Variants in ENOX1 observed in about 807,000 individuals in gnomAD.
ENOX1 encodes candidate growth-related and time keeping constitutive hydroquinone (NADH) oxidase.
ENOX1 carries 42 observed loss-of-function variants against 82.5 expected under a neutral mutation model. That is an observed-to-expected ratio of 0.51 (90% CI 0.40 to 0.66). The LOEUF is 0.66. Among genes scored for constraint, ENOX1 ranks in the 30% least tolerant of loss-of-function variants. The probability of loss-of-function intolerance (pLI) is 0.00; values close to 1 mark genes in which losing one functional copy is unlikely to be tolerated. For synonymous variants in ENOX1, 271 were observed against 282.2 expected (o/e 0.96, Z 0.40); for missense variants, 608 against 811.6 (o/e 0.75, Z 3.05).
chr13:43,686,571 C>A (rs2086087948), intron 1 of ENOX1, among the ~76,000 whole-genome samples: 1 of 152,238 alleles, frequency 6.6e-6, no homozygotes, highest in Admixed American at 6.5e-5. Context: ...CCACAAAGAC[C>A]AGGGTTTGTT....
chr13:43,741,814 TAATCC>T (rs1201037547), intron 1 of ENOX1, among the ~76,000 whole-genome samples: 2 of 152,248 alleles, frequency 1.3e-5, no homozygotes, highest in Non-Finnish European at 2.9e-5. Flanking sequence ...AACTGTTGCC[TAATCC>T]AAGATCATGA....
intron 2 of ENOX1, among the ~76,000 whole-genome samples, chr13:43,580,463 C>G (rs1198478334): frequency 6.6e-6 from 1 of 152,198 alleles, no homozygotes; most frequent in Non-Finnish European, 1.5e-5. Context: ...ACCAGAATAG[C>G]TGCACTAAGA....
chr13:43,469,482 C>G (rs994824612), intron 3 of ENOX1, among the ~76,000 whole-genome samples: 1 of 151,608 alleles, frequency 6.6e-6, no homozygotes, highest in Non-Finnish European at 1.5e-5. Context: ...GTAGTTTCAT[C>G]TATTAACAGG....
intron 2 of ENOX1, among the ~76,000 whole-genome samples, chr13:43,557,281 TG>T (rs1364836690): frequency 7.2e-5 from 11 of 152,170 alleles, no homozygotes; most frequent in Admixed American, 6.5e-4. Flanking sequence ...ATTTCATGTA[TG>T]GCCAGAAGGT....
intron 16 of ENOX1, among the ~76,000 whole-genome samples, chr13:43,223,447 C>A (rs973502140): frequency 6.6e-6 from 1 of 152,090 alleles, no homozygotes; most frequent in Non-Finnish European, 1.5e-5. Flanking sequence ...ACAAATACTG[C>A]GGTGGGGTAG....
At chr13:43,593,279 G>A (rs2081320351) in intron 2 of ENOX1, among the ~76,000 whole-genome samples, 1 of 152,054 alleles carries the variant, frequency 6.6e-6, no homozygotes, top group Admixed American at 6.5e-5. Context: ...CTTTCAGGGA[G>A]AAGGAACCAA....
At chr13:43,404,469 G>GCTAA (rs2153592891) in intron 5 of ENOX1, among the ~76,000 whole-genome samples, 1 of 152,026 alleles carries the variant, frequency 6.6e-6, no homozygotes, top group East Asian at 1.9e-4. Context: ...CTTCCTTCCT[G>GCTAA]CTAACTAGAT....
chr13:43,372,941 G>C (rs1399016288), intron 5 of ENOX1, among the ~76,000 whole-genome samples: 2 of 146,032 alleles, frequency 1.4e-5, no homozygotes, highest in Non-Finnish European at 3.0e-5. Flanking sequence ...TTCTTCATCT[G>C]CAAAAAAAAA....
intron 2 of ENOX1, among the ~76,000 whole-genome samples, chr13:43,528,200 T>C (rs1375466152): frequency 1.3e-5 from 2 of 152,112 alleles, no homozygotes; most frequent in African/African-American, 2.4e-5. Context: ...TTTCAACTTC[T>C]TGGGCACTTA....
intron 1 of ENOX1, among the ~76,000 whole-genome samples, chr13:43,714,836 A>T (rs1431212956): frequency 2.0e-5 from 3 of 152,102 alleles, no homozygotes; most frequent in African/African-American, 7.2e-5. Context: ...TTTCCTGAAT[A>T]GCACACTGAT....
intron 2 of ENOX1, among the ~76,000 whole-genome samples, chr13:43,574,821 A>C (rs865886068): frequency 4.6e-5 from 7 of 152,310 alleles, no homozygotes; most frequent in Middle Eastern, 3.4e-3. Context: ...GGATATTTTC[A>C]AGGATTCACA....
chr13:43,548,404 C>T (rs1457148068), intron 2 of ENOX1, among the ~76,000 whole-genome samples: 1 of 152,186 alleles, frequency 6.6e-6, no homozygotes, highest in Non-Finnish European at 1.5e-5. Context: ...ATAAAGCATT[C>T]AGGTATGGGT....
At chr13:43,776,925 A>G (rs189543605) in intron 1 of ENOX1, among the ~76,000 whole-genome samples, 46 of 152,340 alleles carry the variant, frequency 3.0e-4, no homozygotes, top group African/African-American at 1.1e-3. Flanking sequence ...AATCTGAGAA[A>G]GCAGCCTGCA....
chr13:43,595,602 C>G (rs1167269883), intron 2 of ENOX1, among the ~76,000 whole-genome samples: 3 of 152,108 alleles, frequency 2.0e-5, no homozygotes, highest in Non-Finnish European at 2.9e-5. Context: ...TTCATAGGGT[C>G]ATAGGGTCAA....
At chr13:43,360,186 A>G (rs201001448) in intron 6 of ENOX1, 129 bp from the exon 7 acceptor site, 1 of 18,306 alleles carries the variant, frequency 5.5e-5, no homozygotes, top group Non-Finnish European at 9.1e-5. Flanking sequence ...ATGCCAACTT[A>G]ACATTGATCC....
intron 5 of ENOX1, among the ~76,000 whole-genome samples, chr13:43,403,839 C>CA (rs59860320): frequency 0.083 from 11,913 of 143,188 alleles, 825 homozygotes; most frequent in African/African-American, 0.19. Context: ...AATCTTGTCT[C>CA]AAAAAAAAAA....
chr13:43,414,393 T>G (rs1229458969), intron 3 of ENOX1, among the ~76,000 whole-genome samples: 1 of 152,190 alleles, frequency 6.6e-6, no homozygotes, highest in East Asian at 1.9e-4. Context: ...CAAATTGTAC[T>G]GAGAATAAAT....
intron 15 of ENOX1, among the ~76,000 whole-genome samples, chr13:43,234,292 G>A (rs2042420096): frequency 6.6e-6 from 1 of 152,146 alleles, no homozygotes; most frequent in South Asian, 2.1e-4. Context: ...AAGAGTAGAA[G>A]TATATAGATG....
At chr13:43,295,717 G>C (rs915720555) in intron 12 of ENOX1, among the ~76,000 whole-genome samples, 14 of 152,190 alleles carry the variant, frequency 9.2e-5, no homozygotes, top group African/African-American at 3.4e-4. Flanking sequence ...ACAGTGGATA[G>C]TGTGGAGATT....
Sources: gnomAD v4.1 joint callset for allele counts (sites outside exome capture counted in the v4.1 genomes callset) on GRCh38, gnomAD v4.1.1 for gene constraint, MANE v1.5 for transcripts, NCBI Gene and HGNC (gene_info 2026-07-23, HGNC 2026-07-21) for gene names.